Variants in PSMF1 observed in about 807,000 individuals in gnomAD.
PSMF1 encodes proteasome inhibitor subunit 1.
A neutral mutation model predicts 29.3 loss-of-function variants in PSMF1; 30 were observed. That is an observed-to-expected ratio of 1.02 (90% CI 0.77 to 1.39). The LOEUF is 1.39. Ranked by LOEUF, PSMF1 falls within the 40% of genes most tolerant of loss-of-function variation. PSMF1 has a pLI of 0.00. For synonymous variants in PSMF1, 134 were observed against 139.7 expected (o/e 0.96, Z 0.29); for missense variants, 344 against 357.5 (o/e 0.96, Z 0.31).
rs2086726713 is a variant in PSMF1 at position 1,166,125 on chromosome 20, G to T, written c.*1045G>T. ...GGGCCCAGACAGAGCACAGGAGCAT[G>T]GGCTGCCTCTGAGTGTGGTGTTGAA... On this transcript the variant is annotated 3_prime_UTR_variant, in exon 7 of 7. Coordinates refer to ENST00000335877, the MANE Select transcript of PSMF1 (RefSeq NM_006814.5). The T allele has an allele frequency of 6.4e-7, 1 of 1,561,552 alleles. No individual in the cohort carries two copies. Among genetic ancestry groups the T allele is most frequent in the Non-Finnish European group, 8.7e-7 (1 of 1,152,920 alleles).
rs2086726819 is a variant in PSMF1 at position 1,166,135 on chromosome 20, T to G, written c.*1055T>G. 3 of 1,570,508 alleles carry G rather than the reference T, an allele frequency of 1.9e-6. No individual in the cohort carries two copies. Among genetic ancestry groups the G allele is most frequent in the Middle Eastern group, 1.7e-4 (1 of 5,954 alleles). On this transcript the variant is annotated 3_prime_UTR_variant, in exon 7 of 7. Transcript: ENST00000335877. ...AGAGCACAGGAGCATGGGCTGCCTC[T>G]GAGTGTGGTGTTGAACTTCGGGAGG...
chr20:1,132,136 A>G (rs890892673), intron 3 of PSMF1, among the ~76,000 whole-genome samples: 17 of 152,260 alleles, frequency 1.1e-4, no homozygotes, highest in South Asian at 6.2e-4. Flanking sequence ...TCCTCTGTCA[A>G]TATTACTCTA....
In PSMF1 at chr20:1,163,081, G is replaced by A; in HGVS notation, c.552-49G>A. On this transcript the variant is annotated intron_variant, in intron 4 of 6. Coordinates refer to ENST00000335877, the MANE Select transcript of PSMF1 (RefSeq NM_006814.5). The surrounding 1 kb of genome is among the most constrained non-coding windows in gnomAD (Gnocchi z 6.1). ...GTGTTTGTGATCCCACATGTATCAG[G>A]TGCCTGGCTGCTCTGGGACTTGCAG... 1 of 1,601,476 alleles carries A rather than the reference G, an allele frequency of 6.2e-7. No individual in the cohort carries two copies. The highest frequency in any genetic ancestry group is 8.5e-7 in the Non-Finnish European group (1 of 1,169,678).
intron 4 of PSMF1, among the ~76,000 whole-genome samples, chr20:1,158,832 C>T (rs2086628167): frequency 6.6e-6 from 1 of 152,196 alleles, no homozygotes; most frequent in Non-Finnish European, 1.5e-5. Context: ...AAGACTGAGA[C>T]TCAGCCAAGG....
At chr20:1,126,488 T>C (rs1600143178) in intron 2 of PSMF1, among the ~76,000 whole-genome samples, 1 of 152,216 alleles carries the variant, frequency 6.6e-6, no homozygotes, top group East Asian at 1.9e-4. Context: ...CCTTTCCCTT[T>C]TGATGAACAT....
chr20:1,128,369 ATCTCCCT>A (rs923000956), intron 3 of PSMF1, among the ~76,000 whole-genome samples: 19 of 152,178 alleles, frequency 1.2e-4, no homozygotes, highest in African/African-American at 4.1e-4. Context: ...CCATACTTAT[ATCTCCCT>A]TCTCCTGTGG....
chr20:1,128,698 A>T (rs910198188), intron 3 of PSMF1, among the ~76,000 whole-genome samples: 1 of 151,628 alleles, frequency 6.6e-6, no homozygotes, highest in Non-Finnish European at 1.5e-5. Context: ...TTTTCCCCCC[A>T]TCTTCATTGA....
At chr20:1,115,730 T>C (rs2086004296), upstream of PSMF1, among the ~76,000 whole-genome samples, 1 of 132,566 alleles carries the variant, frequency 7.5e-6, no homozygotes, top group South Asian at 2.5e-4. Flanking sequence ...TTTTGATCCT[T>C]AATCCACTTT....
intron 3 of PSMF1, among the ~76,000 whole-genome samples, chr20:1,130,768 C>T (rs544539020): frequency 9.2e-5 from 14 of 152,312 alleles, no homozygotes; most frequent in African/African-American, 3.4e-4. Context: ...CTGAGCCTCC[C>T]AAATAATTGG....
chr20:1,151,276 T>C (rs900394100), intron 4 of PSMF1, among the ~76,000 whole-genome samples: 2 of 152,224 alleles, frequency 1.3e-5, no homozygotes, highest in Non-Finnish European at 2.9e-5. Flanking sequence ...TGGTAAGGGC[T>C]ATCCCCATTT....
chr20:1,136,035 A>G (rs1310315654), intron 4 of PSMF1, among the ~76,000 whole-genome samples: 1 of 152,204 alleles, frequency 6.6e-6, no homozygotes, highest in Non-Finnish European at 1.5e-5. Flanking sequence ...GTAGACTACC[A>G]TTGTTATTTT....
intron 4 of PSMF1, among the ~76,000 whole-genome samples, chr20:1,140,237 A>C (rs1382893694): frequency 6.6e-6 from 1 of 152,236 alleles, no homozygotes; most frequent in Admixed American, 6.5e-5. Flanking sequence ...ACCGTGTGGC[A>C]CTGGCATTAG....
intron 4 of PSMF1, among the ~76,000 whole-genome samples, chr20:1,137,579 G>A (rs1160188290): frequency 6.6e-6 from 1 of 152,028 alleles, no homozygotes; most frequent in African/African-American, 2.4e-5. Context: ...AATTATATAG[G>A]ATAAATTGAC....
chr20:1,162,558 G>A (rs1009964103), intron 4 of PSMF1, among the ~76,000 whole-genome samples: 4 of 152,134 alleles, frequency 2.6e-5, no homozygotes, highest in African/African-American at 7.2e-5. Context: ...GGCAGAAATC[G>A]GCTATTAGGG....
At chr20:1,123,160 C>T (rs1350275762) in intron 1 of PSMF1, among the ~76,000 whole-genome samples, 1 of 152,168 alleles carries the variant, frequency 6.6e-6, no homozygotes, top group Admixed American at 6.5e-5. Context: ...GTCATCCAGC[C>T]AGGTTTTAAA....
chr20:1,140,586 G>A (rs576741769), intron 4 of PSMF1, among the ~76,000 whole-genome samples: 5 of 152,172 alleles, frequency 3.3e-5, no homozygotes, highest in East Asian at 1.9e-4. Flanking sequence ...CACAAGCAGC[G>A]AGAAAAAATA....
chr20:1,118,601 C>T, upstream of PSMF1: 1 of 767,540 alleles, frequency 1.3e-6, no homozygotes, highest in Admixed American at 3.3e-5. Flanking sequence ...GGACTACTTC[C>T]GGCTTCCCCG....
intron 4 of PSMF1, among the ~76,000 whole-genome samples, chr20:1,148,261 T>C (rs1167705264): frequency 6.6e-6 from 1 of 152,192 alleles, no homozygotes; most frequent in South Asian, 2.1e-4. Context: ...GGGCAGGTCT[T>C]TTCTACTCCT....
chr20:1,149,234 C>T (rs896140539), intron 4 of PSMF1, among the ~76,000 whole-genome samples: 1 of 152,164 alleles, frequency 6.6e-6, no homozygotes, highest in South Asian at 2.1e-4. Context: ...TACTGTTAAA[C>T]CAACTTGACG....
Sources: allele counts gnomAD v4.1 joint callset (sites outside exome capture counted in the v4.1 genomes callset), GRCh38; gene constraint gnomAD v4.1.1; non-coding constraint Gnocchi (gnomAD v3.1); transcripts MANE v1.5; gene names NCBI Gene and HGNC (gene_info 2026-07-23, HGNC 2026-07-21).